The following MAGI2 variants were observed in gnomAD, a reference collection of about 807,000 sequenced individuals.
MAGI2 encodes the protein membrane-associated guanylate kinase, WW and PDZ domain-containing protein 2.
In MAGI2, 35 loss-of-function variants were observed where a neutral mutation model predicts 133.3. The ratio of observed to expected loss-of-function variants is 0.26; its 90% CI spans 0.20 to 0.35. MAGI2 has a LOEUF of 0.35. Among genes scored for constraint, MAGI2 ranks in the 10% least tolerant of loss-of-function variants. The pLI, the probability that MAGI2 is intolerant of heterozygous loss-of-function variation, is 1.00. For missense variants in MAGI2, 1,636 were observed against 1,863.4 expected, an observed-to-expected ratio of 0.88 and a Z score of 2.25; for synonymous variants, 729 against 710.6, an observed-to-expected ratio of 1.03 and a Z score of -0.41.
intron 1 of MAGI2, among the ~76,000 whole-genome samples, chr7:79,202,451 A>T (rs1828695111): frequency 6.6e-6 from 1 of 151,894 alleles, no homozygotes; most frequent in Admixed American, 6.6e-5. Flanking sequence ...TATTATGTTT[A>T]TAGTTTTAGC....
chr7:78,746,157 T>C (rs1253254267), intron 2 of MAGI2, among the ~76,000 whole-genome samples: 1 of 152,196 alleles, frequency 6.6e-6, no homozygotes, highest in Non-Finnish European at 1.5e-5. Flanking sequence ...TTGCTAAAAA[T>C]ATTGCATGCC....
chr7:78,547,591 C>A (rs80238994), intron 3 of MAGI2, among the ~76,000 whole-genome samples: 3 of 152,328 alleles, frequency 2.0e-5, no homozygotes, highest in Non-Finnish European at 4.4e-5. Context: ...GCCTATCCCA[C>A]AAGCTCAGGG....
chr7:79,046,263 CAT>C (rs763641336), intron 1 of MAGI2, among the ~76,000 whole-genome samples: 4 of 152,018 alleles, frequency 2.6e-5, no homozygotes, highest in Non-Finnish European at 5.9e-5. Flanking sequence ...TAAATGAGGT[CAT>C]AAGGTGAGGT....
intron 1 of MAGI2, among the ~76,000 whole-genome samples, chr7:79,180,672 T>C (rs1170252560): frequency 2.0e-5 from 3 of 151,974 alleles, no homozygotes; most frequent in Non-Finnish European, 2.9e-5. Flanking sequence ...TCAAAAGCAA[T>C]CATGCCTTCC....
intron 9 of MAGI2, among the ~76,000 whole-genome samples, chr7:78,292,435 G>A (rs1796813920): frequency 6.6e-6 from 1 of 152,076 alleles, no homozygotes; most frequent in Non-Finnish European, 1.5e-5. Context: ...AATAAAAGAG[G>A]ACACAAACAA....
chr7:78,643,528 G>C (rs1810520713), intron 2 of MAGI2, among the ~76,000 whole-genome samples: 2 of 151,990 alleles, frequency 1.3e-5, no homozygotes, highest in Non-Finnish European at 2.9e-5. Flanking sequence ...ACAGACAAAA[G>C]TGAAATAAAA....
chr7:78,236,000 C>T (rs1384278006), intron 10 of MAGI2, among the ~76,000 whole-genome samples: 1 of 149,836 alleles, frequency 6.7e-6, no homozygotes, highest in Non-Finnish European at 1.5e-5. Context: ...AAGAGTTTTT[C>T]CTTATCTAAT....
In MAGI2 at chr7:78,454,211, T is replaced by A. The variant is rs930001277; in HGVS notation, c.1045+35550A>T. ...CCGACAGGATCAACATACCTCAAGGTGTTTTTGGTTTTGTTTTGATTTTTA... is the reference window on the plus strand; with the variant it reads ...CCGACAGGATCAACATACCTCAAGGAGTTTTTGGTTTTGTTTTGATTTTTA... On this transcript the variant is annotated intron_variant, in intron 6 of 21. Transcript: ENST00000354212. Among the ~76,000 whole-genome samples, 7 of 152,170 alleles carry A rather than the reference T, an allele frequency of 4.6e-5. No homozygotes were observed. In the East Asian group the frequency reaches 9.7e-4, roughly 21 times the overall value.
At chr7:78,946,478 A>C (rs1801427649) in intron 2 of MAGI2, among the ~76,000 whole-genome samples, 1 of 152,204 alleles carries the variant, frequency 6.6e-6, no homozygotes, top group Non-Finnish European at 1.5e-5. Context: ...AAGTATCTGA[A>C]TTATAATATT....
chr7:78,844,158 A>G (rs1302007187), intron 2 of MAGI2, among the ~76,000 whole-genome samples: 1 of 151,558 alleles, frequency 6.6e-6, no homozygotes, highest in Non-Finnish European at 1.5e-5. Flanking sequence ...AAATTCTTAA[A>G]AAGTGACCAA....
intron 2 of MAGI2, among the ~76,000 whole-genome samples, chr7:78,831,821 T>G (rs1006462136): frequency 6.6e-6 from 1 of 152,184 alleles, no homozygotes; most frequent in African/African-American, 2.4e-5. Flanking sequence ...TTGTTCTAAT[T>G]GATAGAATGA....
chr7:79,427,422 G>A (rs971752550), intron 1 of MAGI2, among the ~76,000 whole-genome samples: 8 of 152,024 alleles, frequency 5.3e-5, no homozygotes, highest in Non-Finnish European at 1.0e-4. Context: ...GCCATCTATC[G>A]AAATGATTTT....
intron 2 of MAGI2, among the ~76,000 whole-genome samples, chr7:78,798,733 C>A (rs187658745): frequency 6.6e-6 from 1 of 152,242 alleles, no homozygotes; most frequent in African/African-American, 2.4e-5. Context: ...CAATAATTTT[C>A]TCTCTGAGCT....
At chr7:78,864,796 A>AT (rs548201564) in intron 2 of MAGI2, among the ~76,000 whole-genome samples, 14 of 152,184 alleles carry the variant, frequency 9.2e-5, no homozygotes, top group Middle Eastern at 3.4e-3. Context: ...TTTAGGGTTC[A>AT]TTTTTTCCCT....
chr7:78,562,178 A>G (rs1052989428), intron 3 of MAGI2, among the ~76,000 whole-genome samples: 1 of 152,158 alleles, frequency 6.6e-6, no homozygotes, highest in African/African-American at 2.4e-5. Flanking sequence ...CATTTTTCCT[A>G]CTTAAAAAAA....
At chr7:79,442,451 AGTGTGTGTGT>A (rs3028947) in intron 1 of MAGI2, among the ~76,000 whole-genome samples, 3 of 145,138 alleles carry the variant, frequency 2.1e-5, no homozygotes, top group African/African-American at 5.1e-5. Context: ...GTGTTTGAAG[AGTGTGTGTGT>A]GTGTGTGTGT....
intron 1 of MAGI2, among the ~76,000 whole-genome samples, chr7:79,379,851 G>T (rs78069092): frequency 2.1e-5 from 3 of 144,850 alleles, no homozygotes; most frequent in Non-Finnish European, 4.6e-5. Flanking sequence ...TTACCCACTT[G>T]TTGATGGGGT....
chr7:79,445,634 T>G (rs1444605982), intron 1 of MAGI2, among the ~76,000 whole-genome samples: 2 of 152,172 alleles, frequency 1.3e-5, no homozygotes, highest in African/African-American at 2.4e-5. Context: ...TCACACCAGT[T>G]AGAATGGCAA....
intron 9 of MAGI2, among the ~76,000 whole-genome samples, chr7:78,308,410 A>C (rs1020929565): frequency 6.6e-6 from 1 of 152,206 alleles, no homozygotes; most frequent in African/African-American, 2.4e-5. Context: ...ATTTCTGCAT[A>C]CTGAAGTGTT....
Sources: gnomAD v4.1 joint callset for allele counts (sites outside exome capture counted in the v4.1 genomes callset) on GRCh38, gnomAD v4.1.1 for gene constraint, MANE v1.5 for transcripts, NCBI Gene and HGNC (gene_info 2026-07-23, HGNC 2026-07-21) for gene names.